The following EXD3 variants were observed in gnomAD, a reference collection of about 807,000 sequenced individuals.
EXD3 encodes the protein exonuclease 3'-5' domain containing 3.
EXD3 carries 92 observed loss-of-function variants against 98.0 expected under a neutral mutation model. The ratio of observed to expected loss-of-function variants is 0.94; its 90% confidence interval spans 0.79 to 1.12. The LOEUF is 1.12. EXD3 is among the 50% of genes most tolerant of loss of function. EXD3 has a pLI of 0.00. For missense variants in EXD3, 1,222 were observed against 1,191.6 expected, an observed-to-expected ratio of 1.03 and a Z score of -0.38; for synonymous variants, 569 against 526.0, an observed-to-expected ratio of 1.08 and a Z score of -1.12.
chr9:137,411,431 G>A lies in EXD3; in HGVS notation c.-48+11683C>T, dbSNP rs528974457. 2.6e-5 allele frequency among the ~76,000 whole-genome samples: 4 copies of A among 152,038 alleles called. No homozygotes were observed. The East Asian group carries it at 7.8e-4, about 30-fold the overall frequency. On this transcript the variant is annotated intron_variant, in intron 1 of 21. Coordinates refer to ENST00000340951, the MANE Select transcript of EXD3 (RefSeq NM_017820.5). ...GCCAGACACCCGGCGGCCTCCCAGGGAGCCTCCACAGGAAGGCGGGACCGG... is the reference window on the plus strand; with the variant it reads ...GCCAGACACCCGGCGGCCTCCCAGGAAGCCTCCACAGGAAGGCGGGACCGG...
chr9:137,395,496 G>T lies in EXD3; in HGVS notation c.-47-92C>A, dbSNP rs986917459. The stretch of plus-strand genomic sequence containing the variant: ...CCACAGCCCCTGGAGGTGGTGGAGG[G>T]AGCTGGTGCCTGGGGGGGCCCAAGT... On this transcript the variant is annotated intron_variant, in intron 1 of 21. Coordinates refer to ENST00000340951, the MANE Select transcript of EXD3 (RefSeq NM_017820.5). This position sits in a 1 kb window ranked among gnomAD's most constrained non-coding sequence, Gnocchi z 6.5. 4 of 1,285,780 alleles carry T rather than the reference G, an allele frequency of 3.1e-6. No homozygotes were observed. The highest frequency in any genetic ancestry group is 2.7e-5 in the South Asian group (2 of 73,538). The allele number at this position is 1,285,780 out of a possible 1,614,324, so 79.6% of individuals were successfully genotyped here. A position where few individuals can be genotyped will look rare whatever the true frequency, so the allele number is the denominator to read the frequency against.
At position 137,388,642 on chromosome 9, in the gene EXD3, C is replaced by T. The variant is rs73668259; in HGVS notation, c.56-5265G>A. 7.6e-3 allele frequency among the ~76,000 whole-genome samples: 1,152 copies of T among 152,262 alleles called. 20 individuals carry two copies. The highest frequency in any genetic ancestry group is 0.024 in the African/African-American group (1,013 of 41,542). ...GCGCCAGGCAGAGGACACCAGGCAG[C>T]GGATGCTGGCAGGGGACACCCGGCC... On this transcript the variant is annotated intron_variant, in intron 2 of 21. Coordinates refer to ENST00000340951, the MANE Select transcript of EXD3 (RefSeq NM_017820.5).
chr9:137,415,380 G>C (rs1564223318), intron 1 of EXD3, among the ~76,000 whole-genome samples: 1 of 152,154 alleles, frequency 6.6e-6, no homozygotes, highest in East Asian at 1.9e-4. Flanking sequence ...TTTTAGTAGA[G>C]ACAGGGTCTC....
chr9:137,307,010 C>G lies in EXD3; in HGVS notation c.2571G>C (p.Glu857Asp). 1 of 1,611,706 alleles carries G rather than the reference C, an allele frequency of 6.2e-7. No individual in the cohort carries two copies. Among genetic ancestry groups the G allele is most frequent in the East Asian group, 2.2e-5 (1 of 44,848 alleles). ...RVATHFRDML[E>D]SAPSPCEPSP... ...TCGGCTCGCAGGGGCTGGGGGCGCT[C>G]TCCAGCATGTCTCGGAAGTGGGTGG... The change falls in exon 22 of 22, where the codon GAG (glutamate) becomes GAC (aspartate). Residue 857 changes from glutamate to aspartate, a missense_variant. Physicochemically the swap from Glu to Asp is conservative, Grantham distance 45. Coordinates refer to ENST00000340951, the MANE Select transcript of EXD3 (RefSeq NM_017820.5).
Position 137,366,595 on chromosome 9 carries a change from AG to A in EXD3, c.553del (p.Leu185SerfsTer40), listed in dbSNP as rs1165966668. 6.4e-6 allele frequency: 10 copies of A among 1,556,010 alleles called. 1 individual carries two copies. In the African/African-American group the frequency reaches 1.4e-4, roughly 21 times the overall value. ...IPLLLQDKVA[L>X]VERYVAGFPD... ...GAAGCCGGCCACATAGCGCTCCACG[AG>A]GGCCACCTTGTCCTGGAGGAGCAGT... On this transcript the variant is annotated frameshift_variant, in exon 7 of 22. Transcript: ENST00000340951. LOFTEE classifies it high-confidence loss of function.
intron 17 of EXD3, among the ~76,000 whole-genome samples, chr9:137,341,151 A>G (rs1280000489): frequency 1.3e-5 from 2 of 152,192 alleles, no homozygotes; most frequent in Non-Finnish European, 2.9e-5. Flanking sequence ...TCCTGTCTCC[A>G]TGAAACATTT....
chr9:137,375,069 C>T (rs911774972), intron 3 of EXD3, among the ~76,000 whole-genome samples: 3 of 151,564 alleles, frequency 2.0e-5, no homozygotes, highest in Non-Finnish European at 4.4e-5. Context: ...AGTGCAGTGG[C>T]GCGATCTCGA....
chr9:137,346,196 A>G (rs897979458), intron 17 of EXD3, among the ~76,000 whole-genome samples: 2 of 130,696 alleles, frequency 1.5e-5, no homozygotes, highest in African/African-American at 5.9e-5. Context: ...CCGAGATCGC[A>G]CCACTGCACT....
At chr9:137,377,788 ATTTTTTT>A (rs571059789) in intron 3 of EXD3, among the ~76,000 whole-genome samples, 4 of 131,790 alleles carry the variant, frequency 3.0e-5, no homozygotes, top group South Asian at 2.4e-4. Context: ...TAGTCGTTGA[ATTTTTTT>A]TTTTTTTTTT....
At chr9:137,376,028 C>A (rs1245484918) in intron 3 of EXD3, among the ~76,000 whole-genome samples, 2 of 152,038 alleles carry the variant, frequency 1.3e-5, no homozygotes, top group Non-Finnish European at 2.9e-5. Flanking sequence ...CCTTTCCCCA[C>A]TTCTTACTTA....
At chr9:137,401,851 G>C (rs1049696477) in intron 1 of EXD3, among the ~76,000 whole-genome samples, 10 of 152,222 alleles carry the variant, frequency 6.6e-5, no homozygotes, top group Admixed American at 6.5e-5. Flanking sequence ...ATGACCTGGA[G>C]ACATTTTCCC....
rs900072631 is a variant in EXD3 at position 137,347,416 on chromosome 9, C to T, written c.1998+655G>A. Among the ~76,000 whole-genome samples, 5 of 151,982 alleles carry T rather than the reference C, an allele frequency of 3.3e-5. No homozygotes were observed. Among genetic ancestry groups the T allele is most frequent in the African/African-American group, 1.2e-4 (5 of 41,362 alleles). ...ACTGAATCCTTCCTGTGCTTTGAAT[C>T]TCTCTGTCTTCTGTGTTCCATTCCT... On this transcript the variant is annotated intron_variant, in intron 17 of 21. Transcript: ENST00000340951. This position sits in a 1 kb window ranked among gnomAD's most constrained non-coding sequence, Gnocchi z 4.2.
intron 2 of EXD3, among the ~76,000 whole-genome samples, chr9:137,394,592 C>G (rs1388346707): frequency 6.6e-6 from 1 of 152,174 alleles, no homozygotes; most frequent in African/African-American, 2.4e-5. Context: ...TTCCCTAACC[C>G]TGGCCCAGTC....
At chr9:137,323,941 A>G (rs1832238683) in intron 18 of EXD3, 85 bp from the exon 19 acceptor site, 1 of 1,534,412 alleles carries the variant, frequency 6.5e-7, no homozygotes, top group African/African-American at 1.4e-5. Context: ...AGCATGGGGC[A>G]GGAGCCTTCT....
chr9:137,373,409 A>G lies in EXD3; in HGVS notation c.294+17T>C. Reference sequence around the variant, plus strand: ...GGGCAGGAAGGGAGGTGACTGTCACAGAACCCATGGGCTCACCTGGGCCAG... The same window carrying G: ...GGGCAGGAAGGGAGGTGACTGTCACGGAACCCATGGGCTCACCTGGGCCAG... On this transcript the variant is annotated intron_variant, in intron 4 of 21. Coordinates refer to ENST00000340951, the MANE Select transcript of EXD3 (RefSeq NM_017820.5). The G allele has an allele frequency of 6.2e-7, 1 of 1,602,614 alleles. No individual in the cohort carries two copies. The highest frequency in any genetic ancestry group is 8.5e-7 in the Non-Finnish European group (1 of 1,178,868).
At position 137,395,737 on chromosome 9, in the gene EXD3, C is replaced by G. The variant is rs1025189266; in HGVS notation, c.-47-333G>C. Among the ~76,000 whole-genome samples the G allele has an allele frequency of 6.6e-6, 1 of 152,108 alleles. No individual in the cohort carries two copies. Among genetic ancestry groups the G allele is most frequent in the Non-Finnish European group, 1.5e-5 (1 of 68,002 alleles). ...CCTGTTCTTGAGGACAGCGTGACCC[C>G]CCTTGCCATGTCCCCCTCAGGCTGT... is the stretch of plus-strand genomic sequence containing the variant. On this transcript the variant is annotated intron_variant, in intron 1 of 21. Coordinates refer to ENST00000340951, the MANE Select transcript of EXD3 (RefSeq NM_017820.5). The surrounding 1 kb of genome is among the most constrained non-coding windows in gnomAD (Gnocchi z 6.5).
At chr9:137,379,723 C>T (rs552445800) in intron 3 of EXD3, among the ~76,000 whole-genome samples, 4 of 152,110 alleles carry the variant, frequency 2.6e-5, no homozygotes, top group Middle Eastern at 3.4e-3. Flanking sequence ...ATGAAGCCGA[C>T]GCTCCGTGGC....
chr9:137,354,465 G>A, intron 9 of EXD3, 88 bp from the exon 10 acceptor site: 2 of 1,588,558 alleles, frequency 1.3e-6, no homozygotes, highest in Non-Finnish European at 8.5e-7. Context: ...ACCCCTGGCA[G>A]GGTACATCCT....
chr9:137,380,135 TC>T (rs1238372685), intron 3 of EXD3, among the ~76,000 whole-genome samples: 1 of 151,614 alleles, frequency 6.6e-6, no homozygotes, highest in Non-Finnish European at 1.5e-5. Flanking sequence ...GCTGCCTGCC[TC>T]CCTCCCGGGG....
Sources: gnomAD v4.1 joint callset for allele counts (sites outside exome capture counted in the v4.1 genomes callset) on GRCh38, gnomAD v4.1.1 for gene constraint, Gnocchi (gnomAD v3.1) non-coding constraint, MANE v1.5 for transcripts, NCBI Gene and HGNC (gene_info 2026-07-23, HGNC 2026-07-21) for gene names.